The following ZNF521 variants were observed in gnomAD, a reference collection of about 807,000 sequenced individuals.
ZNF521 encodes zinc finger protein 521, also known as LYST-interacting protein 3.
In ZNF521, 14 loss-of-function variants were observed where a neutral mutation model predicts 105.5. The ratio of observed to expected loss-of-function variants is 0.13; its 90% CI spans 0.09 to 0.21. The LOEUF (loss-of-function observed/expected upper bound fraction) is 0.21. Ranked by LOEUF, ZNF521 falls within the 10% of genes least tolerant of loss-of-function variation. ZNF521 has a pLI of 1.00. For synonymous variants in ZNF521, 635 were observed against 606.0 expected (o/e 1.05, Z -0.70); for missense variants, 1,233 against 1,629.7 (o/e 0.76, Z 4.19).
At chr18:25,196,844 G>T (rs572885435) in intron 4 of ZNF521, among the ~76,000 whole-genome samples, 6 of 151,572 alleles carry the variant, frequency 4.0e-5, no homozygotes, top group Non-Finnish European at 7.4e-5. Context: ...ATTATATATT[G>T]TTTATTAGCA....
chr18:25,262,115 C>A (rs564785361), intron 3 of ZNF521, among the ~76,000 whole-genome samples: 3 of 152,146 alleles, frequency 2.0e-5, no homozygotes, highest in Non-Finnish European at 4.4e-5. Context: ...CAATCACTTA[C>A]GTCCCTTTAT....
At chr18:25,084,580 A>G (rs1316570013) in intron 7 of ZNF521, among the ~76,000 whole-genome samples, 2 of 140,058 alleles carry the variant, frequency 1.4e-5, no homozygotes, top group African/African-American at 4.9e-5. Context: ...CACTGCACTC[A>G]TGACTTAATG....
rs538461741 is a variant in ZNF521 at position 25,103,642 on chromosome 18, T to C, written c.3659-11561A>G. On this transcript the variant is annotated intron_variant, in intron 5 of 7. Coordinates refer to ENST00000361524, the MANE Select transcript of ZNF521 (RefSeq NM_015461.3). ...TAGACACTGTATGCTGAAGCCAAGA[T>C]GTTACTGGCATATCAATGAATCATA... Among the ~76,000 whole-genome samples the C allele has an allele frequency of 2.0e-5, 3 of 152,294 alleles. No individual in the cohort carries two copies. In the South Asian group the frequency reaches 6.2e-4, roughly 32 times the overall value.
chr18:25,098,903 G>T (rs1273044753), intron 5 of ZNF521, among the ~76,000 whole-genome samples: 1 of 152,126 alleles, frequency 6.6e-6, no homozygotes, highest in Admixed American at 6.5e-5. Context: ...TAAAACATTT[G>T]TTTCCATTTC....
chr18:25,203,780 G>A (rs1471841172), intron 4 of ZNF521, among the ~76,000 whole-genome samples: 1 of 152,186 alleles, frequency 6.6e-6, no homozygotes, highest in South Asian at 2.1e-4. Flanking sequence ...TGACTGAGTT[G>A]CAATTTTTAT....
At chr18:25,138,605 C>T (rs749033915) in intron 5 of ZNF521, among the ~76,000 whole-genome samples, 3 of 152,064 alleles carry the variant, frequency 2.0e-5, no homozygotes, top group Non-Finnish European at 4.4e-5. Flanking sequence ...GTCTGTGGAC[C>T]ATCTCAAAGC....
chr18:25,155,730 T>C (rs891447159), intron 5 of ZNF521, among the ~76,000 whole-genome samples: 2 of 152,128 alleles, frequency 1.3e-5, no homozygotes, highest in African/African-American at 4.8e-5. Context: ...GTTGTCCATA[T>C]ATGTTTGGAT....
chr18:25,293,351 T>TAC (rs55818021), intron 3 of ZNF521, among the ~76,000 whole-genome samples: 67,382 of 143,072 alleles, frequency 0.47, 15,858 homozygotes, highest in Middle Eastern at 0.56. Context: ...CATGTACACA[T>TAC]ACACACACAC....
At chr18:25,296,652 C>A (rs1330384497) in intron 3 of ZNF521, among the ~76,000 whole-genome samples, 1 of 152,138 alleles carries the variant, frequency 6.6e-6, no homozygotes, top group Non-Finnish European at 1.5e-5. Context: ...AACTTTCTTT[C>A]TGGGAGCCTC....
intron 5 of ZNF521, among the ~76,000 whole-genome samples, chr18:25,190,463 C>T (rs1403456935): frequency 6.6e-6 from 1 of 152,096 alleles, no homozygotes; most frequent in Non-Finnish European, 1.5e-5. Flanking sequence ...AGACATGGAC[C>T]TTTCTCTTCC....
At chr18:25,326,386 A>G (rs2145160164) in intron 2 of ZNF521, among the ~76,000 whole-genome samples, 1 of 152,342 alleles carries the variant, frequency 6.6e-6, no homozygotes, top group Non-Finnish European at 1.5e-5. Context: ...AAACTAAGAG[A>G]TCATGTGGTT....
intron 5 of ZNF521, among the ~76,000 whole-genome samples, chr18:25,148,376 T>G (rs759581341): frequency 6.6e-6 from 1 of 152,152 alleles, no homozygotes; most frequent in Non-Finnish European, 1.5e-5. Flanking sequence ...AGTTCAAAGT[T>G]TTTGGTCACT....
chr18:25,224,248 G>T, intron 4 of ZNF521, 97 bp downstream of exon 4: 1 of 1,134,196 alleles, frequency 8.8e-7, no homozygotes, highest in Non-Finnish European at 1.3e-6. Context: ...GCATCTTTTG[G>T]CCCATGACAA....
intron 3 of ZNF521, among the ~76,000 whole-genome samples, chr18:25,296,911 A>G (rs1002997882): frequency 6.6e-6 from 1 of 152,156 alleles, no homozygotes; most frequent in Non-Finnish European, 1.5e-5. Context: ...TAAGAAATAA[A>G]TAGTGCCTGG....
At chr18:25,317,270 A>C (rs1912688742) in intron 3 of ZNF521, among the ~76,000 whole-genome samples, 1 of 152,132 alleles carries the variant, frequency 6.6e-6, no homozygotes, top group Admixed American at 6.5e-5. Context: ...TTTTTTAAAA[A>C]ATGTAACTCA....
chr18:25,064,800 A>G (rs559548611), intron 7 of ZNF521, among the ~76,000 whole-genome samples: 2 of 152,306 alleles, frequency 1.3e-5, no homozygotes, highest in Non-Finnish European at 2.9e-5. Context: ...GTTCCATTTC[A>G]AATTTAGCTC....
intron 5 of ZNF521, among the ~76,000 whole-genome samples, chr18:25,160,249 G>A (rs934762533): frequency 2.6e-5 from 4 of 152,188 alleles, no homozygotes; most frequent in Non-Finnish European, 5.9e-5. Flanking sequence ...TTGCCCGTCA[G>A]AGGATAGAAC....
intron 4 of ZNF521, chr18:25,201,598 C>G (rs1308803478): frequency 6.6e-6 from 1 of 152,166 alleles, no homozygotes; most frequent in Non-Finnish European, 1.5e-5. Flanking sequence ...GCCAAAGTTA[C>G]AGAGCCATTT....
At chr18:25,284,706 C>A (rs1211111043) in intron 3 of ZNF521, among the ~76,000 whole-genome samples, 1 of 151,532 alleles carries the variant, frequency 6.6e-6, no homozygotes, top group African/African-American at 2.4e-5. Flanking sequence ...AGAAAAGCAC[C>A]ATAAAAAAAG....
Sources: allele counts gnomAD v4.1 joint callset (sites outside exome capture counted in the v4.1 genomes callset), GRCh38; gene constraint gnomAD v4.1.1; transcripts MANE v1.5; gene names NCBI Gene and HGNC (gene_info 2026-07-23, HGNC 2026-07-21).